SLC16A4: variants seen among roughly 807,000 people sequenced by gnomAD.
SLC16A4 encodes the protein probable monocarboxylate transporter 5.
A neutral mutation model predicts 47.9 loss-of-function variants in SLC16A4; 39 were observed. That is an observed-to-expected ratio of 0.81 (90% confidence interval 0.63 to 1.06). The LOEUF (loss-of-function observed/expected upper bound fraction) is 1.06. Ranked by LOEUF, SLC16A4 falls within the 50% of genes least tolerant of loss-of-function variation. SLC16A4 has a pLI of 0.00. For missense variants in SLC16A4, 524 were observed against 573.8 expected, an observed-to-expected ratio of 0.91 and a Z score of 0.89; for synonymous variants, 189 against 199.9, an observed-to-expected ratio of 0.95 and a Z score of 0.46.
chr1:110,376,664 C>T (rs1426616662), intron 7 of SLC16A4, among the ~76,000 whole-genome samples: 7 of 152,082 alleles, frequency 4.6e-5, no homozygotes, highest in Admixed American at 3.9e-4. Flanking sequence ...GAAGGAGAGA[C>T]GTGAACACAA....
At chr1:110,372,036 T>A (rs896230950) in intron 8 of SLC16A4, 6 of 152,214 alleles carry the variant, frequency 3.9e-5, no homozygotes, top group African/African-American at 1.4e-4. Context: ...TAAAAAAAAA[T>A]AAGAATATGG....
chr1:110,368,394 G>A (rs767544030), intron 8 of SLC16A4, among the ~76,000 whole-genome samples: 5 of 152,180 alleles, frequency 3.3e-5, no homozygotes, highest in Non-Finnish European at 7.3e-5. Context: ...AGCTGATGCA[G>A]AATTATTAAG....
Position 110,363,695 on chromosome 1 carries a change from C to T in SLC16A4, c.*71G>A. On this transcript the variant is annotated 3_prime_UTR_variant, in exon 9 of 9. Transcript: ENST00000369779. ...GTAGATGCGATGTGTTTCTTTCAAG[C>T]TTTTGTTTCCAATGACATTAGTTTA... The T allele has an allele frequency of 7.2e-7, 1 of 1,392,396 alleles. No homozygotes were observed. The highest frequency in any genetic ancestry group is 9.6e-7 in the Non-Finnish European group (1 of 1,043,266). 86.3% of individuals were successfully genotyped at this position (1,392,396 alleles called of 1,614,324 possible). A position where few individuals can be genotyped will look rare whatever the true frequency, so the allele number is the denominator to read the frequency against.
intron 6 of SLC16A4, among the ~76,000 whole-genome samples, chr1:110,378,371 C>T (rs1404616557): frequency 6.6e-6 from 1 of 152,134 alleles, no homozygotes; most frequent in Admixed American, 6.5e-5. Context: ...CCCTATATTA[C>T]AGATGAGGAA....
At chr1:110,381,576 C>G (rs1662384960) in intron 4 of SLC16A4, 76 bp downstream of exon 4, 1 of 1,481,288 alleles carries the variant, frequency 6.8e-7, no homozygotes. Flanking sequence ...CCACTTTGGC[C>G]TCCCAAAGTG....
chr1:110,381,649 C>CA lies in SLC16A4; in HGVS notation c.364+2dup. On this transcript the variant is annotated splice_region_variant and intron_variant, in intron 4 of 8. Transcript: ENST00000369779. ...TATGGTCACATAATTACAATGGACT[C>CA]ACCGGGTAGAAGTCCCATAGTCACA... is the stretch of plus-strand genomic sequence containing the variant. 1 of 1,610,188 alleles carries CA rather than the reference C, an allele frequency of 6.2e-7. No homozygotes were observed. Among genetic ancestry groups the CA allele is most frequent in the Non-Finnish European group, 8.5e-7 (1 of 1,179,112 alleles).
intron 1 of SLC16A4, among the ~76,000 whole-genome samples, chr1:110,390,513 C>T (rs928911750): frequency 1.3e-5 from 2 of 152,156 alleles, no homozygotes; most frequent in African/African-American, 2.4e-5. Flanking sequence ...ATACAGAATA[C>T]TGTACCAAGG....
At chr1:110,368,050 G>T (rs900381065) in intron 8 of SLC16A4, among the ~76,000 whole-genome samples, 1 of 152,136 alleles carries the variant, frequency 6.6e-6, no homozygotes, top group Non-Finnish European at 1.5e-5. Flanking sequence ...GGATGGTCTC[G>T]ATCTCCTGAC....
rs1661944654 is a variant in SLC16A4, at chr1:110,375,463, A to G, written c.1331T>C (p.Ile444Thr). ...GAATGTGGTGAAGGTGTTACCTGCT[A>G]TAGGTGGTCCAGAAAGGACAGCCAT... Reference protein sequence around the residue: ...AGMAVLSGPPIAGWLYDYTQT... With the variant: ...AGMAVLSGPPTAGWLYDYTQT... The change falls in exon 8 of 9, where the codon ATA (isoleucine) becomes ACA (threonine). Residue 444 changes from isoleucine to threonine, a missense_variant. Ile to Thr is a moderately conservative substitution (Grantham distance 89). Coordinates refer to ENST00000369779, the MANE Select transcript of SLC16A4 (RefSeq NM_004696.3). The G allele has an allele frequency of 1.9e-6, 3 of 1,601,180 alleles. No homozygotes were observed. The highest frequency in any genetic ancestry group is 2.2e-5 in the South Asian group (2 of 90,834).
intron 8 of SLC16A4, chr1:110,371,247 T>C (rs2101000159): frequency 6.6e-6 from 1 of 152,326 alleles, no homozygotes; most frequent in South Asian, 2.1e-4. Context: ...AATGATTATA[T>C]ATGTATATTA....
At chr1:110,365,502 TACTG>T (rs756459859) in intron 8 of SLC16A4, among the ~76,000 whole-genome samples, 16 of 152,368 alleles carry the variant, frequency 1.1e-4, no homozygotes, top group South Asian at 2.1e-4. Context: ...GCTTTTTACT[TACTG>T]ACTCCTGTTT....
rs773638940 is a variant in SLC16A4 at position 110,379,197 on chromosome 1, C to T, written c.686G>A (p.Cys229Tyr). ...GPEAHATETH[C>Y]HETEESTIKD... is the part of the protein sequence containing the mutation. ...GATGGTAGACTCTTCTGTCTCATGG[C>T]AGTGTGTTTCTGTTGCATGTGCCTC... The change falls in exon 6 of 9, where the codon TGC becomes TAC. Residue 229 changes from cysteine (C) to tyrosine (Y), a missense_variant. By Grantham distance (194) the Cys-to-Tyr change is radical. Transcript: ENST00000369779. 6.2e-7 allele frequency: 1 copy of T among 1,614,182 alleles called. No individual in the cohort carries two copies. The highest frequency in any genetic ancestry group is 8.5e-7 in the Non-Finnish European group (1 of 1,180,050).
intron 4 of SLC16A4, 83 bp downstream of exon 4, chr1:110,381,569 C>A: frequency 7.0e-7 from 1 of 1,421,470 alleles, no homozygotes; most frequent in African/African-American, 1.4e-5. Flanking sequence ...GATCCACCCA[C>A]TTTGGCCTCC....
intron 1 of SLC16A4, 115 bp from the exon 2 acceptor site, chr1:110,389,470 G>A (rs940845577): frequency 8.2e-5 from 58 of 706,082 alleles, no homozygotes; most frequent in Middle Eastern, 2.5e-4. Context: ...AATTAGTTCA[G>A]CCACTGTGCA....
At position 110,381,758 on chromosome 1, in the gene SLC16A4, C is replaced by T. The variant is rs1174119599; in HGVS notation, c.258G>A (p.Glu86=). The T allele has an allele frequency of 6.2e-7, 1 of 1,613,606 alleles. No homozygotes were observed. Among genetic ancestry groups the T allele is most frequent in the Non-Finnish European group, 8.5e-7 (1 of 1,179,812 alleles). ...AAGCCCCAAGAATGGAGGTAGTTTT[C>T]TCTCCAAGTATGTCACAAATAATAG... ...LVAIICDILG[E]KTTSILGAFV... The change falls in exon 4 of 9, where the codon GAG becomes GAA. Residue 86 remains glutamate (E), a synonymous_variant. Coordinates refer to ENST00000369779, the MANE Select transcript of SLC16A4 (RefSeq NM_004696.3).
chr1:110,377,114 G>C lies in SLC16A4; in HGVS notation c.1078C>G (p.Gln360Glu), dbSNP rs1662051210. The stretch of plus-strand genomic sequence containing the variant: ...TAATGATACTTCTTAATCCAGTTTT[G>C]ATCAGCAACCCATCCAGAAATAATC... Reference protein sequence around the residue: ...SQIISGWVADQNWIKKYHYHK... With the variant: ...SQIISGWVADENWIKKYHYHK... The change falls in exon 7 of 9, where the codon CAA becomes GAA. Residue 360 changes from glutamine (Q) to glutamate (E), a missense_variant. Physicochemically the swap from Gln to Glu is conservative, Grantham distance 29. Transcript: ENST00000369779. 6.2e-7 allele frequency: 1 copy of C among 1,614,084 alleles called. No homozygotes were observed. The highest frequency in any genetic ancestry group is 8.5e-7 in the Non-Finnish European group (1 of 1,180,000).
intron 2 of SLC16A4, among the ~76,000 whole-genome samples, chr1:110,386,062 G>C (rs1662717506): frequency 6.6e-6 from 1 of 152,176 alleles, no homozygotes; most frequent in Non-Finnish European, 1.5e-5. Flanking sequence ...CTGGTGTCTA[G>C]AGGATGTTGA....
chr1:110,377,139 C>G lies in SLC16A4; in HGVS notation c.1053G>C (p.Gln351His), dbSNP rs767056741. 1.9e-6 allele frequency: 3 copies of G among 1,613,844 alleles called. No homozygotes were observed. Among genetic ancestry groups the G allele is most frequent in the Admixed American group, 1.7e-5 (1 of 59,976 alleles). The change falls in exon 7 of 9, where the codon CAG becomes CAC. Residue 351 changes from glutamine (Q) to histidine (H), a missense_variant. By Grantham distance (24) the Gln-to-His change is conservative (BLOSUM62 0). Coordinates refer to ENST00000369779, the MANE Select transcript of SLC16A4 (RefSeq NM_004696.3). ...SVAGILETVS[Q>H]IISGWVADQN... is the part of the protein sequence containing the mutation. ...GATCAGCAACCCATCCAGAAATAAT[C>G]TGACTGACCGTCTCAAGGATACCTG...
At chr1:110,383,119 G>A (rs1282563264) in intron 2 of SLC16A4, 153 bp from the exon 3 acceptor site, 2 of 542,720 alleles carry the variant, frequency 3.7e-6, no homozygotes, top group Non-Finnish European at 6.2e-6. Flanking sequence ...TATTTTATGG[G>A]GGAAGTCATT....
Sources: gnomAD v4.1 joint callset for allele counts (sites outside exome capture counted in the v4.1 genomes callset) on GRCh38, gnomAD v4.1.1 for gene constraint, MANE v1.5 for transcripts, NCBI Gene and HGNC (gene_info 2026-07-23, HGNC 2026-07-21) for gene names.